Variants in KHDC1 observed in about 807,000 individuals in gnomAD.
The protein encoded by KHDC1 is KH homology domain-containing protein 1.
A neutral mutation model predicts 24.7 loss-of-function variants in KHDC1; 21 were observed. The observed-to-expected ratio is 0.85, with a 90% CI of 0.60 to 1.23. The LOEUF (loss-of-function observed/expected upper bound fraction) is 1.23, where lower values mean the gene tolerates loss of function less well. Ranked by LOEUF, KHDC1 falls within the 50% of genes most tolerant of loss-of-function variation. The pLI is 0.00. For synonymous variants in KHDC1, 98 were observed against 111.7 expected (o/e 0.88, Z 0.77); for missense variants, 274 against 298.5 (o/e 0.92, Z 0.61).
At chr6:73,246,159 A>G (rs965082054) in intron 2 of KHDC1, among the ~76,000 whole-genome samples, 2 of 152,154 alleles carry the variant, frequency 1.3e-5, no homozygotes, top group Non-Finnish European at 2.9e-5. Context: ...CTCATCACAT[A>G]TCTACTGCCT....
chr6:73,260,037 G>C (rs1253612650), intron 2 of KHDC1, among the ~76,000 whole-genome samples: 1 of 152,042 alleles, frequency 6.6e-6, no homozygotes, highest in African/African-American at 2.4e-5. Flanking sequence ...AAGTCATCAG[G>C]GTATTTGGGA....
chr6:73,256,235 G>A (rs1179610044), intron 2 of KHDC1, among the ~76,000 whole-genome samples: 1 of 152,108 alleles, frequency 6.6e-6, no homozygotes, highest in Non-Finnish European at 1.5e-5. Context: ...ATTACTTAGT[G>A]CCTACTATTC....
At chr6:73,276,665 CA>C in intron 2 of KHDC1, 1 of 151,480 alleles carries the variant, frequency 6.6e-6, no homozygotes, top group Non-Finnish European at 1.5e-5. Flanking sequence ...GACCCTATCT[CA>C]AAAAAAACAA....
chr6:73,309,127 AT>A (rs1484077788), intron 1 of KHDC1, among the ~76,000 whole-genome samples: 1 of 152,176 alleles, frequency 6.6e-6, no homozygotes, highest in South Asian at 2.1e-4. Context: ...GGCAGTTTGC[AT>A]TTTTAAGGAG....
chr6:73,260,297 T>C (rs1766956490), intron 2 of KHDC1, among the ~76,000 whole-genome samples: 1 of 152,170 alleles, frequency 6.6e-6, no homozygotes, highest in Non-Finnish European at 1.5e-5. Context: ...GGCTGGGGAA[T>C]GTTAATTAGC....
In KHDC1 at chr6:73,297,214, T is replaced by TA. The variant is rs202015164; in HGVS notation, c.164-5175_164-5174insT. Among the ~76,000 whole-genome samples, 177 of 152,268 alleles carry TA rather than the reference T, an allele frequency of 1.2e-3. 3 individuals are homozygous for TA. In the East Asian group the frequency reaches 0.026, roughly 23 times the overall value. ...TCATTACCAGCCTACTATATATATA[T>TA]TTTTTAACACTGTATACAATACACA... is the stretch of plus-strand genomic sequence containing the variant. On this transcript the variant is annotated intron_variant, in intron 1 of 4. Transcript: ENST00000370384.
chr6:73,263,915 C>T (rs536428175), intron 2 of KHDC1, among the ~76,000 whole-genome samples: 12 of 152,270 alleles, frequency 7.9e-5, no homozygotes, highest in African/African-American at 2.6e-4. Context: ...AACAAAAGGT[C>T]GGGCTGGGCA....
At chr6:73,306,998 GAAGA>G (rs972394924) in intron 1 of KHDC1, among the ~76,000 whole-genome samples, 33 of 151,132 alleles carry the variant, frequency 2.2e-4, no homozygotes, top group African/African-American at 8.0e-4. Flanking sequence ...GACAGACCAG[GAAGA>G]AAGAGAGAAA....
intron 2 of KHDC1, among the ~76,000 whole-genome samples, chr6:73,260,471 T>G (rs956530674): frequency 5.3e-5 from 8 of 152,234 alleles, no homozygotes; most frequent in Non-Finnish European, 7.3e-5. Context: ...ATTATATTTT[T>G]CTAATTTTAA....
chr6:73,296,640 A>G (rs994830621), intron 1 of KHDC1, among the ~76,000 whole-genome samples: 1 of 152,150 alleles, frequency 6.6e-6, no homozygotes, highest in Non-Finnish European at 1.5e-5. Flanking sequence ...TTTTTTTATT[A>G]TACACTCCTG....
At chr6:73,275,733 A>C (rs1767277445) in intron 2 of KHDC1, 1 of 160,692 alleles carries the variant, frequency 6.2e-6, no homozygotes, top group Non-Finnish European at 1.5e-5. Flanking sequence ...GCCTTGCCCC[A>C]TTTGGTAAAA....
intron 2 of KHDC1, among the ~76,000 whole-genome samples, chr6:73,272,109 A>G (rs1767189994): frequency 2.0e-5 from 3 of 151,792 alleles, no homozygotes; most frequent in Admixed American, 2.0e-4. Context: ...AAGGTCCACC[A>G]GAAAAAACTT....
At chr6:73,289,419 G>A (rs1221710546) in intron 2 of KHDC1, among the ~76,000 whole-genome samples, 1 of 149,926 alleles carries the variant, frequency 6.7e-6, no homozygotes, top group Admixed American at 6.7e-5. Flanking sequence ...GGAGGCCAAG[G>A]CGGGTGGATC....
At chr6:73,301,654 C>T (rs1767878288) in intron 1 of KHDC1, among the ~76,000 whole-genome samples, 1 of 151,898 alleles carries the variant, frequency 6.6e-6, no homozygotes, top group Non-Finnish European at 1.5e-5. Context: ...TTCTTAGAGA[C>T]AGTGTCTCAC....
chr6:73,255,431 C>G (rs1406089111), intron 2 of KHDC1, among the ~76,000 whole-genome samples: 2 of 148,600 alleles, frequency 1.3e-5, no homozygotes, highest in African/African-American at 2.5e-5. Context: ...GTTGGCCAGG[C>G]TGGTCTTGAA....
chr6:73,265,471 G>C (rs1420564924), intron 2 of KHDC1, among the ~76,000 whole-genome samples: 1 of 144,238 alleles, frequency 6.9e-6, no homozygotes, highest in Non-Finnish European at 1.5e-5. Flanking sequence ...GGAAGTTGCA[G>C]TGAGCCAAGA....
chr6:73,241,769 A>C, intron 4 of KHDC1, 41 bp from the exon 4 acceptor site: 1 of 1,601,570 alleles, frequency 6.2e-7, no homozygotes, highest in Non-Finnish European at 8.5e-7. Flanking sequence ...CAGGGCCCAT[A>C]ACTGGGGCCC....
At chr6:73,242,631 C>T in intron 2 of KHDC1, 101 bp from the exon 2 acceptor site, 1 of 1,478,588 alleles carries the variant, frequency 6.8e-7, no homozygotes. Flanking sequence ...ACCCAACAAC[C>T]TGCCCCTTGA....
intron 2 of KHDC1, chr6:73,269,726 A>G (rs1365565875): frequency 2.6e-5 from 4 of 151,866 alleles, no homozygotes; most frequent in Non-Finnish European, 4.4e-5. Context: ...AATTTTTATT[A>G]TTTTTATTAT....
Sources: gnomAD v4.1 joint callset for allele counts (sites outside exome capture counted in the v4.1 genomes callset) on GRCh38, gnomAD v4.1.1 for gene constraint, MANE v1.5 for transcripts, NCBI Gene and HGNC (gene_info 2026-07-23, HGNC 2026-07-21) for gene names.